Variants in SLC24A3 observed in about 807,000 individuals in gnomAD.
SLC24A3 encodes solute carrier family 24 member 3.
SLC24A3 carries 28 observed loss-of-function variants against 75.8 expected under a neutral mutation model. The ratio of observed to expected loss-of-function variants is 0.37; its 90% CI spans 0.27 to 0.51. The LOEUF (loss-of-function observed/expected upper bound fraction) is 0.51. Ranked by LOEUF, SLC24A3 falls within the 20% of genes least tolerant of loss-of-function variation. The probability of loss-of-function intolerance (pLI) is 0.94; values close to 1 mark genes in which losing one functional copy is unlikely to be tolerated. For missense variants in SLC24A3, 663 were observed against 847.8 expected, an observed-to-expected ratio of 0.78 and a Z score of 2.71; for synonymous variants, 372 against 334.1, an observed-to-expected ratio of 1.11 and a Z score of -1.24.
At chr20:19,712,175 T>G (rs1203387152) in intron 15 of SLC24A3, among the ~76,000 whole-genome samples, 1 of 151,988 alleles carries the variant, frequency 6.6e-6, no homozygotes, top group Non-Finnish European at 1.5e-5. Flanking sequence ...GGTCTTTAAC[T>G]CCTAGATTCA....
At chr20:19,335,272 T>C (rs1252725128) in intron 2 of SLC24A3, among the ~76,000 whole-genome samples, 1 of 152,206 alleles carries the variant, frequency 6.6e-6, no homozygotes, top group Non-Finnish European at 1.5e-5. Context: ...TCCACGGATA[T>C]ATATCCACTG....
At chr20:19,555,548 T>C (rs2030769221) in intron 3 of SLC24A3, among the ~76,000 whole-genome samples, 1 of 152,236 alleles carries the variant, frequency 6.6e-6, no homozygotes, top group African/African-American at 2.4e-5. Flanking sequence ...ACCACTGGTC[T>C]ACAGAGACTT....
At chr20:19,574,236 A>T (rs1329074598) in intron 3 of SLC24A3, among the ~76,000 whole-genome samples, 1 of 152,178 alleles carries the variant, frequency 6.6e-6, no homozygotes, top group African/African-American at 2.4e-5. Flanking sequence ...TATCCCTGGA[A>T]GTTTACTTTG....
At position 19,671,636 on chromosome 20, in the gene SLC24A3, G is replaced by T. The variant is rs967811253; in HGVS notation, c.714-1965G>T. On this transcript the variant is annotated intron_variant, in intron 8 of 16. Transcript: ENST00000328041. ...ACTGAAAGGACAAAGCCCAGGGTTG[G>T]TTTTTTTTTTGTTTTTTTGTTTTTT... Among the ~76,000 whole-genome samples, 73 of 145,488 alleles carry T rather than the reference G, an allele frequency of 5.0e-4. 1 individual carries two copies. In the South Asian group the frequency reaches 6.3e-3, roughly 13 times the overall value.
chr20:19,537,718 G>A (rs2030423799), intron 3 of SLC24A3, among the ~76,000 whole-genome samples: 1 of 152,134 alleles, frequency 6.6e-6, no homozygotes, highest in East Asian at 1.9e-4. Flanking sequence ...ATGAGTTCAT[G>A]TCCTTTGTAG....
chr20:19,328,092 G>C (rs1984912504), intron 2 of SLC24A3, among the ~76,000 whole-genome samples: 1 of 152,146 alleles, frequency 6.6e-6, no homozygotes, highest in Non-Finnish European at 1.5e-5. Flanking sequence ...AAGGAGGGAG[G>C]GAGGGAGCCA....
intron 2 of SLC24A3, among the ~76,000 whole-genome samples, chr20:19,407,964 C>G (rs1052532042): frequency 3.3e-5 from 5 of 152,132 alleles, no homozygotes; most frequent in African/African-American, 1.2e-4. Flanking sequence ...TGGGAGTAAA[C>G]CTGTAAAACT....
At chr20:19,659,455 C>T (rs2032302119) in intron 7 of SLC24A3, among the ~76,000 whole-genome samples, 1 of 152,226 alleles carries the variant, frequency 6.6e-6, no homozygotes, top group South Asian at 2.1e-4. Context: ...ACTAGTCACA[C>T]GTGGCTACTG....
At chr20:19,418,285 A>T (rs1032933913) in intron 2 of SLC24A3, among the ~76,000 whole-genome samples, 2 of 152,196 alleles carry the variant, frequency 1.3e-5, no homozygotes, top group African/African-American at 4.8e-5. Context: ...TGTTGCACCC[A>T]TGGAACAAGA....
intron 1 of SLC24A3, among the ~76,000 whole-genome samples, chr20:19,275,713 C>A (rs1025784608): frequency 6.6e-6 from 1 of 152,134 alleles, no homozygotes; most frequent in African/African-American, 2.4e-5. Context: ...GGAAACTTGG[C>A]GTCCAGCCTC....
rs1987985808 is a variant in SLC24A3 at position 19,477,783 on chromosome 20, G to A, written c.272-37705G>A. The stretch of plus-strand genomic sequence containing the variant: ...TTTCTCCCATTTGCCAGTCTTACAC[G>A]TGAATATAGTATACACTGTACCTAC... On this transcript the variant is annotated intron_variant, in intron 2 of 16. Transcript: ENST00000328041. Among the ~76,000 whole-genome samples, 3 of 152,116 alleles carry A rather than the reference G, an allele frequency of 2.0e-5. 1 individual carries two copies. The highest frequency in any genetic ancestry group is 1.3e-4 in the Admixed American group (2 of 15,274).
At chr20:19,690,629 T>A (rs1336543891) in intron 12 of SLC24A3, among the ~76,000 whole-genome samples, 3 of 152,288 alleles carry the variant, frequency 2.0e-5, no homozygotes, top group East Asian at 3.9e-4. Flanking sequence ...AAATGCCTTA[T>A]CAGCACATTG....
chr20:19,662,037 G>T (rs3790285), intron 7 of SLC24A3, among the ~76,000 whole-genome samples: 65,874 of 152,020 alleles, frequency 0.43, 16,867 homozygotes, highest in African/African-American at 0.72. Flanking sequence ...CATTCCTGTT[G>T]AACATTTAGC....
chr20:19,310,908 T>C (rs1468157394), intron 2 of SLC24A3, among the ~76,000 whole-genome samples: 1 of 152,230 alleles, frequency 6.6e-6, no homozygotes, highest in Non-Finnish European at 1.5e-5. Flanking sequence ...TTTTTGAGCT[T>C]ATAATCATGT....
At chr20:19,277,861 A>T (rs1450989304) in intron 1 of SLC24A3, among the ~76,000 whole-genome samples, 4 of 152,336 alleles carry the variant, frequency 2.6e-5, no homozygotes, top group South Asian at 2.1e-4. Context: ...ATTGGAAGGG[A>T]TACTCCTGCT....
intron 1 of SLC24A3, among the ~76,000 whole-genome samples, chr20:19,247,568 G>A (rs942089230): frequency 1.3e-5 from 2 of 152,056 alleles, no homozygotes; most frequent in African/African-American, 4.8e-5. Context: ...AATTCTCTCT[G>A]GTTTGGTAGC....
chr20:19,586,371 G>A (rs1220439583), intron 6 of SLC24A3, among the ~76,000 whole-genome samples: 1 of 152,130 alleles, frequency 6.6e-6, no homozygotes, highest in Non-Finnish European at 1.5e-5. Flanking sequence ...CTAGTAAAAG[G>A]CACTTCTAAA....
chr20:19,706,072 A>G (rs2032926692), intron 15 of SLC24A3, among the ~76,000 whole-genome samples: 1 of 152,178 alleles, frequency 6.6e-6, no homozygotes, highest in Non-Finnish European at 1.5e-5. Context: ...AATAAATCTG[A>G]GATGCAATGG....
At chr20:19,602,505 T>C (rs1421910551) in intron 6 of SLC24A3, among the ~76,000 whole-genome samples, 1 of 152,178 alleles carries the variant, frequency 6.6e-6, no homozygotes. Flanking sequence ...CTTTAAAGCT[T>C]CGAAACCACA....
Sources: gnomAD v4.1 joint callset for allele counts (sites outside exome capture counted in the v4.1 genomes callset) on GRCh38, gnomAD v4.1.1 for gene constraint, MANE v1.5 for transcripts, NCBI Gene and HGNC (gene_info 2026-07-23, HGNC 2026-07-21) for gene names.